The following CHCHD7 variants were observed in gnomAD, a reference collection of about 807,000 sequenced individuals.
CHCHD7 encodes the protein coiled-coil-helix-coiled-coil-helix domain containing 7.
A neutral mutation model predicts 10.5 loss-of-function variants in CHCHD7; 7 were observed. The ratio of observed to expected loss-of-function variants is 0.67; its 90% CI spans 0.38 to 1.25. The LOEUF (loss-of-function observed/expected upper bound fraction) is 1.25, where lower values mean the gene tolerates loss of function less well. CHCHD7 is among the 50% of genes most tolerant of loss of function. CHCHD7 has a pLI of 0.02. For missense variants in CHCHD7, 100 were observed against 104.5 expected (o/e 0.96, Z 0.19); for synonymous variants, 40 against 36.0 (o/e 1.11, Z -0.40).
rs1394264417 is a variant in CHCHD7, at chr8:56,217,958, CA to C, written c.*526del. 4.3e-6 allele frequency: 1 copy of C among 230,826 alleles called. No homozygotes were observed. Among genetic ancestry groups the C allele is most frequent in the East Asian group, 6.2e-5 (1 of 16,234 alleles). 14.3% of individuals were successfully genotyped at this position (230,826 alleles called of 1,614,324 possible). On this transcript the variant is annotated 3_prime_UTR_variant, in exon 4 of 4. Coordinates refer to ENST00000355315, the MANE Select transcript of CHCHD7 (RefSeq NM_001011671.3). ...GGCCTCAGATCCCAGGCTCATTCCT[CA>C]AATCACTTCTTACTTCCCTCACTTA...
chr8:56,214,771 T>G, intron 2 of CHCHD7, 104 bp downstream of exon 2: 3 of 793,196 alleles, frequency 3.8e-6, no homozygotes, highest in South Asian at 3.4e-5. Context: ...AAGTTATTTC[T>G]CTAGAAAAAA....
At chr8:56,212,544 T>G in intron 1 of CHCHD7, 1 of 285,528 alleles carries the variant, frequency 3.5e-6, no homozygotes, top group Non-Finnish European at 6.6e-6. Flanking sequence ...TTGGAGTGGA[T>G]TTTAGAGTTA....
chr8:56,216,383 T>C, intron 2 of CHCHD7, 50 bp from the exon 3 acceptor site: 1 of 1,607,502 alleles, frequency 6.2e-7, no homozygotes, highest in Non-Finnish European at 8.5e-7. Flanking sequence ...GTTTGTTTGC[T>C]TTTAGATCCT....
At position 56,212,021 on chromosome 8, in the gene CHCHD7, G is replaced by C. The variant is rs1812995142; in HGVS notation, c.-17+184G>C. On this transcript the variant is annotated intron_variant, in intron 1 of 3. Transcript: ENST00000355315. ...CCGCCACACGGGTCTGTTCGCTCCG[G>C]GGGCGAGGAAGATGACCTCTGCCTA... 3 of 152,856 alleles carry C rather than the reference G, an allele frequency of 2.0e-5. No individual in the cohort carries two copies. In the South Asian group the frequency reaches 6.2e-4, roughly 32 times the overall value. 9.5% of individuals were successfully genotyped at this position (152,856 alleles called of 1,614,324 possible).
intron 3 of CHCHD7, among the ~76,000 whole-genome samples, 195 bp from the exon 4 acceptor site, chr8:56,217,136 T>G (rs1813395633): frequency 6.6e-6 from 1 of 152,250 alleles, no homozygotes. Flanking sequence ...AATGAGTACT[T>G]CTATTTAATT....
chr8:56,214,708 A>C lies in CHCHD7; in HGVS notation c.54+41A>C, dbSNP rs140369694. ...TTAATTTTCATGAGTGTTAAGTTGG[A>C]AAAACAGGCTGCTCTAGTTTTGTGG... On this transcript the variant is annotated intron_variant, in intron 2 of 3. Transcript: ENST00000355315. The C allele has an allele frequency of 5.8e-4, 871 of 1,498,354 alleles. 4 individuals carry two copies. The African/African-American group carries it at 9.4e-3, about 16-fold the overall frequency. 92.8% of individuals were successfully genotyped at this position (1,498,354 alleles called of 1,614,324 possible). A position where few individuals can be genotyped will look rare whatever the true frequency, so the allele number is the denominator to read the frequency against.
Position 56,217,937 on chromosome 8 carries a change from T to C in CHCHD7, c.*502T>C, listed in dbSNP as rs1813457562. 1 of 231,586 alleles carries C rather than the reference T, an allele frequency of 4.3e-6. No individual in the cohort carries two copies. The highest frequency in any genetic ancestry group is 2.2e-5 in the African/African-American group (1 of 45,372). 14.3% of individuals were successfully genotyped at this position (231,586 alleles called of 1,614,324 possible). ...GAAGGTAAGGAATGTGTGGTGGGCC[T>C]CAGATCCCAGGCTCATTCCTCAAAT... On this transcript the variant is annotated 3_prime_UTR_variant, in exon 4 of 4. Coordinates refer to ENST00000355315, the MANE Select transcript of CHCHD7 (RefSeq NM_001011671.3).
In CHCHD7 at chr8:56,216,522, G is replaced by A; in HGVS notation, c.144G>A (p.Arg48=). 1 of 1,614,136 alleles carries A rather than the reference G, an allele frequency of 6.2e-7. No homozygotes were observed. Among genetic ancestry groups the A allele is most frequent in the Non-Finnish European group, 8.5e-7 (1 of 1,180,014 alleles). The change falls in exon 3 of 4, where the codon CGG becomes CGA. Residue 48 remains arginine, a synonymous_variant. Coordinates refer to ENST00000355315, the MANE Select transcript of CHCHD7 (RefSeq NM_001011671.3). ...STYFLRYKNC[R]RFWNSIVMQR... is the part of the protein sequence containing the mutation. ...ACTTCTTGAGGTACAAAAACTGCCG[G>A]AGATTCTGGGTAAGCCTAGATTGGT...
chr8:56,216,476 A>C lies in CHCHD7; in HGVS notation c.98A>C (p.Asp33Ala). 1 of 1,614,154 alleles carries C rather than the reference A, an allele frequency of 6.2e-7. No homozygotes were observed. Among genetic ancestry groups the C allele is most frequent in the East Asian group, 2.2e-5 (1 of 44,884 alleles). Reference protein sequence around the residue: ...STRCLDENNYDRERCSTYFLR... With the variant: ...STRCLDENNYARERCSTYFLR... ...AGATGTCTGGATGAAAATAACTATGACAGGGAAAGGTGTTCCACTTACTTC... is the reference window on the plus strand; with the variant it reads ...AGATGTCTGGATGAAAATAACTATGCCAGGGAAAGGTGTTCCACTTACTTC... Residue 33 changes from aspartate (D) to alanine (A), a missense_variant, in exon 3 of 4, where the codon GAC becomes GCC. Asp to Ala is a moderately radical substitution (Grantham distance 126). Transcript: ENST00000355315.
intron 2 of CHCHD7, chr8:56,214,908 A>AGATTACAGGCGCGTGCCACCACGCTC: frequency 2.7e-6 from 1 of 373,176 alleles, no homozygotes. Flanking sequence ...TTGTCACTGT[A>AGATTACAGGCGCGTGCCACCACGCTC]AAACTAGACA....
chr8:56,212,959 A>T, intron 1 of CHCHD7: 3 of 1,165,200 alleles, frequency 2.6e-6, no homozygotes, highest in Non-Finnish European at 3.8e-6. Flanking sequence ...AGAGTAGGAT[A>T]CTTTCATGTA....
intron 2 of CHCHD7, 177 bp from the exon 3 acceptor site, chr8:56,216,256 A>G: frequency 3.4e-6 from 3 of 887,396 alleles, no homozygotes; most frequent in Non-Finnish European, 5.0e-6. Flanking sequence ...GCCTGAGCAG[A>G]GTGCATACTG....
Position 56,217,801 on chromosome 8 carries a change from AGT to A in CHCHD7, c.*370_*371del, listed in dbSNP as rs1362036135. On this transcript the variant is annotated 3_prime_UTR_variant, in exon 4 of 4. Coordinates refer to ENST00000355315, the MANE Select transcript of CHCHD7 (RefSeq NM_001011671.3). ...AAGGAAAGGAAATGTTATGAGCAAGAGTGTGAGGCAAGAGAAGCTGGAACCAC... is the reference window on the plus strand; with the variant it reads ...AAGGAAAGGAAATGTTATGAGCAAGAGTGAGGCAAGAGAAGCTGGAACCAC... 1 of 244,128 alleles carries A rather than the reference AGT, an allele frequency of 4.1e-6. No individual in the cohort carries two copies. The highest frequency in any genetic ancestry group is 2.2e-5 in the African/African-American group (1 of 45,504). The allele number at this position is 244,128 out of a possible 1,614,324, so 15.1% of individuals were successfully genotyped here. A position where few individuals can be genotyped will look rare whatever the true frequency, so the allele number is the denominator to read the frequency against.
chr8:56,214,838 TC>T (rs1411126765), intron 2 of CHCHD7, 171 bp downstream of exon 2: 8 of 501,100 alleles, frequency 1.6e-5, no homozygotes, highest in African/African-American at 1.9e-5. Flanking sequence ...TTATAATTTC[TC>T]TAACAAACAT....
intron 2 of CHCHD7, among the ~76,000 whole-genome samples, chr8:56,216,112 C>T (rs1240747405): frequency 6.6e-6 from 1 of 152,176 alleles, no homozygotes. Context: ...GTGCAGTAGT[C>T]ATTTAACACA....
At chr8:56,212,958 T>C in intron 1 of CHCHD7, 2 of 1,166,004 alleles carry the variant, frequency 1.7e-6, no homozygotes, top group South Asian at 1.3e-5. Context: ...TAGAGTAGGA[T>C]ACTTTCATGT....
Position 56,217,500 on chromosome 8 carries a change from G to A in CHCHD7, c.*65G>A. 3 of 1,028,910 alleles carry A rather than the reference G, an allele frequency of 2.9e-6. No homozygotes were observed. The highest frequency in any genetic ancestry group is 1.5e-6 in the Non-Finnish European group (1 of 663,500). 63.7% of individuals were successfully genotyped at this position (1,028,910 alleles called of 1,614,324 possible). On this transcript the variant is annotated 3_prime_UTR_variant, in exon 4 of 4. Transcript: ENST00000355315. ...TGAATATTTCTAATAAATGATTGCT[G>A]TAATATTTAAGACTGTACACCCCTC...
At position 56,214,908 on chromosome 8, in the gene CHCHD7, A is replaced by G. The variant is rs1013650035; in HGVS notation, c.54+241A>G. The G allele has an allele frequency of 1.3e-5, 5 of 373,058 alleles. No homozygotes were observed. In the Admixed American group the frequency reaches 2.0e-4, roughly 15 times the overall value. The allele number at this position is 373,058 out of a possible 1,614,324, so 23.1% of individuals were successfully genotyped here. ...TATGCAAGCATTTGGTTGTCACTGT[A>G]AAACTAGACAGGAAAATGTAACACT... On this transcript the variant is annotated intron_variant, in intron 2 of 3. Transcript: ENST00000355315.
At chr8:56,212,768 C>T in intron 1 of CHCHD7, 1 of 840,386 alleles carries the variant, frequency 1.2e-6, no homozygotes. Context: ...CCAGTTAATA[C>T]ACGAGGAACT....
Sources: gnomAD v4.1 joint callset for allele counts (sites outside exome capture counted in the v4.1 genomes callset) on GRCh38, gnomAD v4.1.1 for gene constraint, MANE v1.5 for transcripts, NCBI Gene and HGNC (gene_info 2026-07-23, HGNC 2026-07-21) for gene names.